The following FCHO2 variants were observed in gnomAD, a reference collection of about 807,000 sequenced individuals.
FCHO2 encodes the protein FCH and mu domain containing endocytic adaptor 2, also known as F-BAR domain only protein 2.
Under a neutral mutation model 114.1 loss-of-function variants are expected in FCHO2, and 43 were observed. That is an observed-to-expected ratio of 0.38 (90% confidence interval 0.30 to 0.49). The LOEUF is 0.49. FCHO2 is among the 20% of genes least tolerant of loss of function. The pLI is 0.97. For missense variants in FCHO2, 807 were observed against 950.4 expected, an observed-to-expected ratio of 0.85 and a Z score of 1.98; for synonymous variants, 293 against 315.2, an observed-to-expected ratio of 0.93 and a Z score of 0.75.
chr5:73,062,801 C>T lies in FCHO2; in HGVS notation c.1346-1040C>T, dbSNP rs115183997. Reference sequence around the variant, plus strand: ...CTCTATGCACCTTCCTTTCATGCCTCCTTGATTCCTCCATTGATGATTAAA... The same window carrying T: ...CTCTATGCACCTTCCTTTCATGCCTTCTTGATTCCTCCATTGATGATTAAA... On this transcript the variant is annotated intron_variant, in intron 17 of 25. Transcript: ENST00000430046. Among the ~76,000 whole-genome samples the T allele has an allele frequency of 1.4e-3, 212 of 152,096 alleles. 2 individuals carry two copies. Among genetic ancestry groups the T allele is most frequent in the Admixed American group, 2.4e-3 (36 of 15,250 alleles).
intron 20 of FCHO2, among the ~76,000 whole-genome samples, chr5:73,076,558 A>C (rs1742918424): frequency 6.6e-6 from 1 of 152,222 alleles, no homozygotes; most frequent in Non-Finnish European, 1.5e-5. Flanking sequence ...GAAGTCCTTC[A>C]GTATATAAGA....
At chr5:72,997,722 T>TTA (rs1323891335) in intron 5 of FCHO2, 22 of 1,486,218 alleles carry the variant, frequency 1.5e-5, no homozygotes, top group Non-Finnish European at 1.9e-5. Context: ...TGATGCCCTG[T>TTA]CCAATGTGAG....
intron 8 of FCHO2, among the ~76,000 whole-genome samples, chr5:73,018,745 T>C (rs1755451019): frequency 6.6e-6 from 1 of 152,222 alleles, no homozygotes; most frequent in South Asian, 2.1e-4. Context: ...GTCTGACTGA[T>C]ACTTCATGAA....
intron 5 of FCHO2, among the ~76,000 whole-genome samples, chr5:73,005,557 T>G (rs1754670157): frequency 6.6e-6 from 1 of 152,158 alleles, no homozygotes; most frequent in Admixed American, 6.5e-5. Flanking sequence ...TTGATCTCCT[T>G]TAAACTCTTT....
chr5:72,963,179 C>T lies in FCHO2; in HGVS notation c.34-5319C>T, dbSNP rs145386947. Among the ~76,000 whole-genome samples the T allele has an allele frequency of 1.4e-3, 207 of 152,168 alleles. 1 individual carries two copies. The highest frequency in any genetic ancestry group is 0.01 in the Middle Eastern group (3 of 294). On this transcript the variant is annotated intron_variant, in intron 1 of 25. Transcript: ENST00000430046. ...AAGATTATGGAAGATATATCAAGCA[C>T]GTTTGCTTGACTTTAGGGAAAAGAT... is the stretch of plus-strand genomic sequence containing the variant.
rs1008179452 is a variant in FCHO2, at chr5:73,068,682, C to T, written c.1482C>T (p.Asn494=). The T allele has an allele frequency of 1.9e-6, 3 of 1,612,332 alleles. No homozygotes were observed. The highest frequency in any genetic ancestry group is 2.5e-6 in the Non-Finnish European group (3 of 1,178,932). The change falls in exon 19 of 26, where the codon AAC becomes AAT. Residue 494 remains asparagine (N), a synonymous_variant. Coordinates refer to ENST00000430046, the MANE Select transcript of FCHO2 (RefSeq NM_138782.3). Reference sequence around the variant, plus strand: ...CATTCAGCCCACCTGTAACTTCCAACACCAGCCCACCTCCTGCTGCACCAT... The same window carrying T: ...CATTCAGCCCACCTGTAACTTCCAATACCAGCCCACCTCCTGCTGCACCAT... ...PRPFSPPVTS[N]TSPPPAAPLA... is the part of the protein sequence containing the mutation.
chr5:73,006,400 AAG>A, intron 5 of FCHO2, 43 bp from the exon 6 acceptor site: 5 of 1,171,240 alleles, frequency 4.3e-6, no homozygotes, highest in Non-Finnish European at 5.7e-6. Context: ...GGAAAGAAAA[AAG>A]GTCAATGCAC....
chr5:73,050,653 T>C (rs1757301002), intron 11 of FCHO2, among the ~76,000 whole-genome samples: 1 of 152,176 alleles, frequency 6.6e-6, no homozygotes, highest in African/African-American at 2.4e-5. Context: ...CTAAGTGGTT[T>C]GTTTTATAGT....
In FCHO2 at chr5:72,998,090, A is replaced by G. The variant is rs549533331; in HGVS notation, c.495+7226A>G. Among the ~76,000 whole-genome samples the G allele has an allele frequency of 3.5e-4, 53 of 152,288 alleles. 1 individual carries two copies. The highest frequency in any genetic ancestry group is 2.3e-3 in the Admixed American group (35 of 15,302). On this transcript the variant is annotated intron_variant, in intron 5 of 25. Coordinates refer to ENST00000430046, the MANE Select transcript of FCHO2 (RefSeq NM_138782.3). Reference sequence around the variant, plus strand: ...TATATACAGGTAAAGTATTAGGGACATGTATGGGGACAGTAAACAATAAGC... The same window carrying G: ...TATATACAGGTAAAGTATTAGGGACGTGTATGGGGACAGTAAACAATAAGC...
chr5:72,975,315 A>C (rs1752797920), intron 2 of FCHO2, among the ~76,000 whole-genome samples: 1 of 152,140 alleles, frequency 6.6e-6, no homozygotes, highest in Non-Finnish European at 1.5e-5. Flanking sequence ...AACTTTGTAT[A>C]CATTATCTGA....
chr5:72,985,311 G>T (rs1443236246), intron 2 of FCHO2, among the ~76,000 whole-genome samples: 1 of 151,920 alleles, frequency 6.6e-6, no homozygotes, highest in Admixed American at 6.6e-5. Flanking sequence ...GCAGATGCAT[G>T]CCCCCACGCC....
intron 6 of FCHO2, among the ~76,000 whole-genome samples, chr5:73,014,839 G>A (rs570184907): frequency 1.1e-3 from 160 of 152,068 alleles, no homozygotes; most frequent in Non-Finnish European, 1.8e-3. Flanking sequence ...AGCACTTTTG[G>A]AGGCTGAGGC....
chr5:72,958,781 A>T (rs1239738170), intron 1 of FCHO2, among the ~76,000 whole-genome samples: 2 of 152,232 alleles, frequency 1.3e-5, no homozygotes, highest in South Asian at 2.1e-4. Context: ...TTAAAAATTG[A>T]TGCTCTTGTA....
chr5:73,025,707 G>A (rs566127359), intron 8 of FCHO2, among the ~76,000 whole-genome samples: 34 of 152,104 alleles, frequency 2.2e-4, no homozygotes, highest in African/African-American at 8.0e-4. Flanking sequence ...TCAGTTTATG[G>A]GCACCTGAGC....
At chr5:73,059,261 G>A (rs183636601) in intron 17 of FCHO2, among the ~76,000 whole-genome samples, 273 of 152,226 alleles carry the variant, frequency 1.8e-3, no homozygotes, top group Non-Finnish European at 3.5e-3. Flanking sequence ...GGAATCATGC[G>A]GGAAGAACTT....
chr5:73,054,731 G>A (rs527903954), intron 15 of FCHO2, among the ~76,000 whole-genome samples, 182 bp downstream of exon 15: 22 of 152,228 alleles, frequency 1.4e-4, no homozygotes, highest in African/African-American at 5.3e-4. Context: ...CTGTAGAGCT[G>A]AGAGACATGC....
At chr5:73,018,050 C>G (rs930300288) in intron 8 of FCHO2, among the ~76,000 whole-genome samples, 68 of 152,228 alleles carry the variant, frequency 4.5e-4, no homozygotes, top group African/African-American at 1.6e-3. Context: ...ATACATGTTT[C>G]ACTCCATAAG....
Position 72,990,657 on chromosome 5 carries a change from G to C in FCHO2, c.342+38G>C, listed in dbSNP as rs145682323. On this transcript the variant is annotated intron_variant, in intron 4 of 25. Coordinates refer to ENST00000430046, the MANE Select transcript of FCHO2 (RefSeq NM_138782.3). ...TTCTTGTTAAATAATTGATTGGTCA[G>C]ATATTGAATACTTTATAGTTCAGTC... 2,505 of 1,530,382 alleles carry C rather than the reference G, an allele frequency of 1.6e-3. 13 individuals carry two copies. In the Middle Eastern group the frequency reaches 0.024, roughly 14 times the overall value. 94.8% of individuals were successfully genotyped at this position (1,530,382 alleles called of 1,614,324 possible). A position where few individuals can be genotyped will look rare whatever the true frequency, so the allele number is the denominator to read the frequency against.
chr5:73,057,916 A>G (rs1413781036), intron 16 of FCHO2, among the ~76,000 whole-genome samples: 1 of 152,184 alleles, frequency 6.6e-6, no homozygotes, highest in African/African-American at 2.4e-5. Context: ...TTCACATGTT[A>G]TCTTAGGTTA....
Sources: allele counts gnomAD v4.1 joint callset (sites outside exome capture counted in the v4.1 genomes callset), GRCh38; gene constraint gnomAD v4.1.1; transcripts MANE v1.5; gene names NCBI Gene and HGNC (gene_info 2026-07-23, HGNC 2026-07-21).